DMWD: variants seen among roughly 807,000 people sequenced by gnomAD.
DMWD encodes the protein dystrophia myotonica WD repeat-containing protein.
Under a neutral mutation model 45.8 loss-of-function variants are expected in DMWD, and 19 were observed. That is an observed-to-expected ratio of 0.41 (90% CI 0.29 to 0.61). DMWD has a LOEUF of 0.61. Among genes scored for constraint, DMWD ranks in the 20% least tolerant of loss-of-function variants. The probability of loss-of-function intolerance (pLI) is 0.25; values close to 1 mark genes in which losing one functional copy is unlikely to be tolerated. For missense variants in DMWD, 802 were observed against 965.2 expected (o/e 0.83, Z 2.24); for synonymous variants, 515 against 440.5 (o/e 1.17, Z -2.12).
chr19:45,791,922 C>T (rs1489911167), intron 1 of DMWD, among the ~76,000 whole-genome samples: 1 of 152,160 alleles, frequency 6.6e-6, no homozygotes, highest in Non-Finnish European at 1.5e-5. Context: ...TCTCCCACAC[C>T]TCCAGGCTGC....
chr19:45,790,508 G>A (rs116185596), intron 2 of DMWD: 3,944 of 155,132 alleles, frequency 0.025, 170 homozygotes, highest in African/African-American at 0.091. Context: ...AATAAATTAG[G>A]CGGGCGTGGC....
At position 45,791,010 on chromosome 19, in the gene DMWD, G is replaced by C; in HGVS notation, c.519C>G (p.Phe173Leu). Residue 173 changes from phenylalanine (F) to leucine (L), a missense_variant, in exon 2 of 5, where the codon TTC (phenylalanine) becomes TTG (leucine). Phe to Leu is a conservative substitution (Grantham distance 22). Around this residue, in one of 9 missense-constraint regions of DMWD, gnomAD observed 38 missense variants for 76.1 expected, o/e 0.50. Coordinates refer to ENST00000270223, the MANE Select transcript of DMWD (RefSeq NM_004943.2). ...TQPTCHDFNQ[F>L]TAATETISLL... Reference sequence around the variant, plus strand: ...GCGAGATGGTCTCGGTGGCAGCAGTGAACTGGTTGAAATCGTGGCAGGTGG... The same window carrying C: ...GCGAGATGGTCTCGGTGGCAGCAGTCAACTGGTTGAAATCGTGGCAGGTGG... 6.2e-7 allele frequency: 1 copy of C among 1,611,162 alleles called. No individual in the cohort carries two copies. Among genetic ancestry groups the C allele is most frequent in the Admixed American group, 1.7e-5 (1 of 59,750 alleles).
chr19:45,790,971 G>A lies in DMWD; in HGVS notation c.558C>T (p.Phe186=), dbSNP rs1418528844. The A allele has an allele frequency of 1.9e-6, 3 of 1,614,044 alleles. No homozygotes were observed. The highest frequency in any genetic ancestry group is 3.3e-5 in the Admixed American group (2 of 59,994). ...ATETISLLVG[F]SAGQVQYLDL... is the part of the protein sequence containing the mutation. Reference sequence around the variant, plus strand: ...CCAGGTACTGCACTTGACCCGCTGAGAAGCCCACCAGCAGCGAGATGGTCT... The same window carrying A: ...CCAGGTACTGCACTTGACCCGCTGAAAAGCCCACCAGCAGCGAGATGGTCT... The change falls in exon 2 of 5, where the codon TTC becomes TTT. Residue 186 remains phenylalanine (F), a synonymous_variant. Coordinates refer to ENST00000270223, the MANE Select transcript of DMWD (RefSeq NM_004943.2).
At chr19:45,784,412 G>T in intron 4 of DMWD, 122 bp from the exon 5 acceptor site, 6 of 1,268,612 alleles carry the variant, frequency 4.7e-6, no homozygotes, top group Non-Finnish European at 6.4e-6. Context: ...TTGCCCTTGG[G>T]TCCGCCCTAG....
rs73045962 is a variant in DMWD at position 45,792,069 on chromosome 19, A to G, written c.441+247T>C. Among the ~76,000 whole-genome samples the G allele has an allele frequency of 6.3e-3, 951 of 152,130 alleles. 3 individuals are homozygous for G. The highest frequency in any genetic ancestry group is 0.01 in the Middle Eastern group (3 of 294). On this transcript the variant is annotated intron_variant, in intron 1 of 4. Transcript: ENST00000270223. The stretch of plus-strand genomic sequence containing the variant: ...CATCATGTCCAATAGTCACCATCCC[A>G]GAACTCCTACGCATAACGGGGGTAA...
chr19:45,790,815 T>C, intron 2 of DMWD, 90 bp downstream of exon 2: 1 of 1,467,862 alleles, frequency 6.8e-7, no homozygotes, highest in Non-Finnish European at 9.2e-7. Context: ...CTCTCAGGCC[T>C]ACACTGTTCC....
rs758001328 is a variant in DMWD at position 45,786,880 on chromosome 19, G to C, written c.625-9C>G. The C allele has an allele frequency of 1.9e-6, 3 of 1,611,402 alleles. No individual in the cohort carries two copies. The highest frequency in any genetic ancestry group is 1.8e-4 in the Middle Eastern group (1 of 5,668). ...GTCTTGTCGATCAACCGCTGCCAGG[G>C]GAGACAGTGTGGGGTTGGGAGAAGG... On this transcript the variant is annotated splice_polypyrimidine_tract_variant and intron_variant, in intron 2 of 4. Coordinates refer to ENST00000270223, the MANE Select transcript of DMWD (RefSeq NM_004943.2).
Position 45,783,239 on chromosome 19 carries a change from G to A in DMWD, c.*1004C>T, listed in dbSNP as rs1970207531. 1 of 231,806 alleles carries A rather than the reference G, an allele frequency of 4.3e-6. No homozygotes were observed. Among genetic ancestry groups the A allele is most frequent in the South Asian group, 1.8e-4 (1 of 5,526 alleles). 14.4% of individuals were successfully genotyped at this position (231,806 alleles called of 1,614,324 possible). A position where few individuals can be genotyped will look rare whatever the true frequency, so the allele number is the denominator to read the frequency against. On this transcript the variant is annotated 3_prime_UTR_variant, in exon 5 of 5. Coordinates refer to ENST00000270223, the MANE Select transcript of DMWD (RefSeq NM_004943.2). ...TTTCGGGGGGTGGAGGGTGGCGCGG[G>A]AAGACACACTCCCTGCGGCTCCGAG...
chr19:45,784,190 T>G lies in DMWD; in HGVS notation c.*53A>C. On this transcript the variant is annotated 3_prime_UTR_variant, in exon 5 of 5. Coordinates refer to ENST00000270223, the MANE Select transcript of DMWD (RefSeq NM_004943.2). ...TGATCTGTGAGGTCAGCAGGGAGGGTTATGGCTAGGAGGCTGGGGGCATGG... is the reference window on the plus strand; with the variant it reads ...TGATCTGTGAGGTCAGCAGGGAGGGGTATGGCTAGGAGGCTGGGGGCATGG... 6.7e-7 allele frequency: 1 copy of G among 1,495,554 alleles called. No individual in the cohort carries two copies. The highest frequency in any genetic ancestry group is 1.4e-5 in the African/African-American group (1 of 72,032). 92.6% of individuals were successfully genotyped at this position (1,495,554 alleles called of 1,614,324 possible). A position where few individuals can be genotyped will look rare whatever the true frequency, so the allele number is the denominator to read the frequency against.
chr19:45,792,343 T>G lies in DMWD; in HGVS notation c.414A>C (p.Pro138=). The G allele has an allele frequency of 1.2e-6, 2 of 1,610,346 alleles. No individual in the cohort carries two copies. Among genetic ancestry groups the G allele is most frequent in the Non-Finnish European group, 1.7e-6 (2 of 1,178,204 alleles). ...GTTGGCTCCCACGACGACAGCAGCC[T>G]GGGTAGAAATAGAGCTCACGGCCCA... ...FNLGRELYFY[P]GCCRRGSQRS... The change falls in exon 1 of 5, where the codon CCA becomes CCC. Residue 138 remains proline (P), a synonymous_variant. Coordinates refer to ENST00000270223, the MANE Select transcript of DMWD (RefSeq NM_004943.2).
At chr19:45,791,667 G>A (rs2146275898) in intron 1 of DMWD, among the ~76,000 whole-genome samples, 1 of 152,112 alleles carries the variant, frequency 6.6e-6, no homozygotes, top group Non-Finnish European at 1.5e-5. Context: ...ACCATAAACG[G>A]CCAGGGTTCT....
intron 2 of DMWD, among the ~76,000 whole-genome samples, chr19:45,787,762 G>C (rs183020508): frequency 6.6e-6 from 1 of 152,132 alleles, no homozygotes; most frequent in African/African-American, 2.4e-5. Flanking sequence ...CTGTGGGCTC[G>C]ACCTTCAAAA....
intron 2 of DMWD, among the ~76,000 whole-genome samples, chr19:45,788,056 G>C (rs967579982): frequency 6.6e-6 from 1 of 151,950 alleles, no homozygotes; most frequent in Non-Finnish European, 1.5e-5. Flanking sequence ...CAGCCTGGGC[G>C]ACAGAGCGAG....
intron 2 of DMWD, 173 bp from the exon 3 acceptor site, chr19:45,787,044 G>A: frequency 8.5e-7 from 1 of 1,170,640 alleles, no homozygotes; most frequent in Non-Finnish European, 1.2e-6. Flanking sequence ...GAAGACAGAT[G>A]GACACCAGGT....
chr19:45,783,293 C>T lies in DMWD; in HGVS notation c.*950G>A, dbSNP rs1970208495. 1 of 334,084 alleles carries T rather than the reference C, an allele frequency of 3.0e-6. No homozygotes were observed. Among genetic ancestry groups the T allele is most frequent in the Non-Finnish European group, 5.4e-6 (1 of 185,534 alleles). 20.7% of individuals were successfully genotyped at this position (334,084 alleles called of 1,614,324 possible). A position where few individuals can be genotyped will look rare whatever the true frequency, so the allele number is the denominator to read the frequency against. On this transcript the variant is annotated 3_prime_UTR_variant, in exon 5 of 5. Coordinates refer to ENST00000270223, the MANE Select transcript of DMWD (RefSeq NM_004943.2). Reference sequence around the variant, plus strand: ...CAAGAGGAATCTGAGCTCTTCTTTCCAGGGTGGACGGTTCTCCAGAGTGGA... The same window carrying T: ...CAAGAGGAATCTGAGCTCTTCTTTCTAGGGTGGACGGTTCTCCAGAGTGGA...
At position 45,792,405 on chromosome 19, in the gene DMWD, C is replaced by A; in HGVS notation, c.352G>T (p.Gly118Trp). Residue 118 changes from glycine to tryptophan, a missense_variant, in exon 1 of 5, where the codon GGG becomes TGG. Gly to Trp is a radical substitution (Grantham distance 184, BLOSUM62 -2). Transcript: ENST00000270223. ...GAGEPPATPA[G>W]LGSGGDRVCF... ...ACGCGGTCTCCCCCCGAGCCCAGCCCCGCGGGCGTGGCGGGCGGCTCCCCG... is the reference window on the plus strand; with the variant it reads ...ACGCGGTCTCCCCCCGAGCCCAGCCACGCGGGCGTGGCGGGCGGCTCCCCG... 1 of 1,592,150 alleles carries A rather than the reference C, an allele frequency of 6.3e-7. No homozygotes were observed. The highest frequency in any genetic ancestry group is 1.4e-5 in the African/African-American group (1 of 73,266).
intron 2 of DMWD, 119 bp from the exon 3 acceptor site, chr19:45,786,990 AC>A: frequency 6.8e-7 from 1 of 1,479,846 alleles, no homozygotes; most frequent in Non-Finnish European, 9.0e-7. Flanking sequence ...AGCAGGTGCC[AC>A]ACCAGGCCCA....
intron 4 of DMWD, 136 bp from the exon 5 acceptor site, chr19:45,784,426 C>T (rs1970239268): frequency 8.1e-7 from 1 of 1,231,410 alleles, no homozygotes; most frequent in African/African-American, 1.5e-5. Context: ...GCCCTAGACC[C>T]CCCAGAGGCC....
At chr19:45,790,793 C>A (rs778288221) in intron 2 of DMWD, 112 bp downstream of exon 2, 1 of 1,256,590 alleles carries the variant, frequency 8.0e-7, no homozygotes, top group Non-Finnish European at 1.1e-6. Context: ...CCATCTCTCC[C>A]TGGTCCTGCC....
Sources: allele counts gnomAD v4.1 joint callset (sites outside exome capture counted in the v4.1 genomes callset), GRCh38; gene constraint gnomAD v4.1.1; regional missense constraint gnomAD v4.1.1; transcripts MANE v1.5; gene names NCBI Gene and HGNC (gene_info 2026-07-23, HGNC 2026-07-21).